COL27A1: variants seen among roughly 807,000 people sequenced by gnomAD.
COL27A1 encodes collagen alpha-1(XXVII) chain.
COL27A1 carries 106 observed loss-of-function variants against 251.3 expected under a neutral mutation model. That is an observed-to-expected ratio of 0.42 (90% CI 0.36 to 0.50). The LOEUF is 0.50. Ranked by LOEUF, COL27A1 falls within the 20% of genes least tolerant of loss-of-function variation. COL27A1 has a pLI of 0.00. For synonymous variants in COL27A1, 1,000 were observed against 986.3 expected (o/e 1.01, Z -0.26); for missense variants, 2,325 against 2,522.8 (o/e 0.92, Z 1.68).
intron 58 of COL27A1, chr9:114,307,051 A>G: frequency 4.2e-6 from 1 of 235,674 alleles, no homozygotes; most frequent in Non-Finnish European, 8.4e-6. Context: ...GTGAAGGACA[A>G]GCTGCGGAGC....
At chr9:114,304,430 A>C (rs1041781405) in intron 56 of COL27A1, 178 bp from the exon 57 acceptor site, 5 of 624,940 alleles carry the variant, frequency 8.0e-6, no homozygotes, top group South Asian at 3.7e-5. Context: ...GTACCTGGGG[A>C]AAGGGAATGG....
chr9:114,209,365 G>A (rs1339621771), intron 10 of COL27A1: 13 of 662,076 alleles, frequency 2.0e-5, no homozygotes, highest in Admixed American at 5.4e-5. Context: ...ACCCAGCCGC[G>A]AGCTTCCTTC....
intron 50 of COL27A1, 194 bp from the exon 51 acceptor site, chr9:114,300,431 A>T (rs10982137): frequency 0.054 from 31,396 of 584,588 alleles, 1,639 homozygotes; most frequent in East Asian, 0.22. Context: ...CATATGCCAC[A>T]CAGCACTGAG....
intron 3 of COL27A1, among the ~76,000 whole-genome samples, chr9:114,176,556 A>G (rs954074422): frequency 2.0e-5 from 3 of 151,576 alleles, no homozygotes; most frequent in East Asian, 3.9e-4. Flanking sequence ...GGGGTGCCCT[A>G]TGTGAACCCA....
At chr9:114,276,617 A>AAAC (rs535026531) in intron 37 of COL27A1, among the ~76,000 whole-genome samples, 4 of 152,308 alleles carry the variant, frequency 2.6e-5, no homozygotes, top group African/African-American at 4.8e-5. Context: ...AAAAACAAAC[A>AAAC]AACAACAACA....
chr9:114,217,973 G>A (rs911111775), intron 12 of COL27A1: 9 of 371,746 alleles, frequency 2.4e-5, no homozygotes, highest in Admixed American at 2.4e-4. Flanking sequence ...AATTAGCCAG[G>A]TGTAGTGGTG....
intron 56 of COL27A1, among the ~76,000 whole-genome samples, chr9:114,302,390 G>A (rs1198641584): frequency 3.9e-5 from 6 of 152,156 alleles, no homozygotes; most frequent in African/African-American, 1.4e-4. Context: ...CTCCATACAC[G>A]TGGGCTGATT....
chr9:114,240,465 C>A lies in COL27A1; in HGVS notation c.2813C>A (p.Pro938His). The A allele has an allele frequency of 6.2e-7, 1 of 1,612,446 alleles. No individual in the cohort carries two copies. Among genetic ancestry groups the A allele is most frequent in the Non-Finnish European group, 8.5e-7 (1 of 1,179,902 alleles). ...GKPGARGLPG[P>H]RGQLGPEGDE... is the part of the protein sequence containing the mutation. The stretch of plus-strand genomic sequence containing the variant: ...CCTGGAGCCCGAGGCCTGCCGGGAC[C>A]CCGTGGGCAGCTGGGGCCCGAGGTG... Residue 938 changes from proline to histidine, a missense_variant, in exon 21 of 61, where the codon CCC becomes CAC. Physicochemically the swap from Pro to His is moderately conservative, Grantham distance 77. Coordinates refer to ENST00000356083, the MANE Select transcript of COL27A1 (RefSeq NM_032888.4).
At chr9:114,269,122 G>A (rs574467295) in intron 34 of COL27A1, 119 bp from the exon 35 acceptor site, 63 of 562,436 alleles carry the variant, frequency 1.1e-4, no homozygotes, top group Non-Finnish European at 1.7e-4. Context: ...TGGGAAGAAG[G>A]ACCTTCCCCA....
At chr9:114,172,232 T>C (rs908354119) in intron 3 of COL27A1, among the ~76,000 whole-genome samples, 2 of 152,190 alleles carry the variant, frequency 1.3e-5, no homozygotes, top group East Asian at 1.9e-4. Flanking sequence ...GGTGATGAAA[T>C]GAACTCTCAT....
intron 24 of COL27A1, among the ~76,000 whole-genome samples, chr9:114,247,641 C>T (rs926236019): frequency 3.3e-5 from 5 of 152,208 alleles, no homozygotes; most frequent in East Asian, 1.9e-4. Flanking sequence ...GCAGAACACC[C>T]GGCTTGCTGC....
intron 57 of COL27A1, 133 bp from the exon 58 acceptor site, chr9:114,306,387 C>T: frequency 1.2e-6 from 1 of 833,732 alleles, no homozygotes; most frequent in Non-Finnish European, 1.8e-6. Context: ...AAAGAGAAAC[C>T]CAACCCGTGC....
intron 27 of COL27A1, among the ~76,000 whole-genome samples, chr9:114,254,121 G>A (rs186664832): frequency 1.3e-5 from 2 of 151,936 alleles, no homozygotes; most frequent in African/African-American, 4.8e-5. Context: ...AGTCTGGTAT[G>A]GGGGGGCAGG....
rs1440709540 is a variant in COL27A1 at position 114,290,094 on chromosome 9, G to C, written c.4243G>C (p.Gly1415Arg). 1 of 1,611,668 alleles carries C rather than the reference G, an allele frequency of 6.2e-7. No homozygotes were observed. Among genetic ancestry groups the C allele is most frequent in the African/African-American group, 1.3e-5 (1 of 74,844 alleles). Residue 1415 changes from glycine (G) to arginine (R), a missense_variant, in exon 46 of 61, where the codon GGC becomes CGC. Physicochemically the swap from Gly to Arg is moderately radical, Grantham distance 125. Transcript: ENST00000356083. The surrounding 1 kb of genome is among the most constrained non-coding windows in gnomAD (Gnocchi z 4.6). Reference protein sequence around the residue: ...KGKQGKAGAPGRRGVQGLQGL... With the variant: ...KGKQGKAGAPRRRGVQGLQGL... ...AAAGCAAGGCAAGGCAGGGGCCCCA[G>C]GCCGGAGGGGGGTCCAGGTGAGTGA...
chr9:114,236,928 A>C (rs1588727779), intron 17 of COL27A1, 53 bp from the exon 18 acceptor site: 2 of 1,571,648 alleles, frequency 1.3e-6, no homozygotes, highest in South Asian at 2.2e-5. Context: ...GCGGCTGTTC[A>C]CCTGGCCATT....
intron 7 of COL27A1, among the ~76,000 whole-genome samples, chr9:114,202,674 C>T (rs1268738277): frequency 6.6e-6 from 1 of 152,172 alleles, no homozygotes; most frequent in Non-Finnish European, 1.5e-5. Flanking sequence ...TCCAGTCATA[C>T]AGGCCTTCCT....
intron 3 of COL27A1, among the ~76,000 whole-genome samples, chr9:114,176,113 G>C (rs1182724513): frequency 6.6e-6 from 1 of 152,208 alleles, no homozygotes; most frequent in Non-Finnish European, 1.5e-5. Context: ...CTTGTTAGCT[G>C]TGTGGCACTG....
chr9:114,194,594 G>A (rs1828978775), intron 6 of COL27A1, 137 bp downstream of exon 6: 1 of 770,020 alleles, frequency 1.3e-6, no homozygotes, highest in African/African-American at 1.8e-5. Flanking sequence ...GAAGGGTTAG[G>A]GTATGGTTTG....
intron 12 of COL27A1, among the ~76,000 whole-genome samples, chr9:114,211,828 C>A (rs191680544): frequency 5.9e-5 from 9 of 152,116 alleles, no homozygotes; most frequent in Admixed American, 5.9e-4. Flanking sequence ...TATTGAGAAG[C>A]GGGAAACTGA....
Sources: gnomAD v4.1 joint callset for allele counts (sites outside exome capture counted in the v4.1 genomes callset) on GRCh38, gnomAD v4.1.1 for gene constraint, Gnocchi (gnomAD v3.1) non-coding constraint, MANE v1.5 for transcripts, NCBI Gene and HGNC (gene_info 2026-07-23, HGNC 2026-07-21) for gene names.